The following ASPH variants were observed in gnomAD, a reference collection of about 807,000 sequenced individuals.
The protein encoded by ASPH is aspartate beta-hydroxylase.
A neutral mutation model predicts 118.4 loss-of-function variants in ASPH; 100 were observed. That is an observed-to-expected ratio of 0.84 (90% CI 0.72 to 1.00). The LOEUF (loss-of-function observed/expected upper bound fraction) is 1.00, where lower values mean the gene tolerates loss of function less well. ASPH is among the 50% of genes least tolerant of loss of function. ASPH has a pLI of 0.00. For synonymous variants in ASPH, 315 were observed against 325.6 expected, an observed-to-expected ratio of 0.97 and a Z score of 0.35; for missense variants, 920 against 919.5, an observed-to-expected ratio of 1.00 and a Z score of -0.01.
intron 1 of ASPH, among the ~76,000 whole-genome samples, chr8:61,694,452 G>T (rs1287180114): frequency 6.6e-6 from 1 of 152,050 alleles, no homozygotes; most frequent in Non-Finnish European, 1.5e-5. Flanking sequence ...TTCTGCACAC[G>T]GCTCCAGCAT....
intron 13 of ASPH, 131 bp from the exon 14 acceptor site, chr8:61,619,150 T>G (rs1850033638): frequency 1.7e-6 from 1 of 600,132 alleles, no homozygotes; most frequent in South Asian, 2.8e-5. Context: ...ACAATTCAAT[T>G]TTCCTAAATC....
At chr8:61,625,316 T>C in intron 13 of ASPH, 1 of 985,780 alleles carries the variant, frequency 1.0e-6, no homozygotes, top group African/African-American at 1.7e-5. Context: ...TTTTCACACA[T>C]CCTCAATCAA....
intron 3 of ASPH, among the ~76,000 whole-genome samples, chr8:61,654,501 A>AG (rs1812652047): frequency 6.6e-6 from 1 of 152,192 alleles, no homozygotes; most frequent in Admixed American, 6.5e-5. Flanking sequence ...AGCCTGCGGC[A>AG]GGAAGGTCAA....
intron 17 of ASPH, among the ~76,000 whole-genome samples, chr8:61,565,433 T>C (rs1831364449): frequency 1.3e-5 from 2 of 152,208 alleles, no homozygotes; most frequent in South Asian, 4.1e-4. Context: ...TATTAATCTA[T>C]TAGCTATGAT....
rs566881333 is a variant in ASPH at position 61,615,801 on chromosome 8, A to T, written c.976+3177T>A. ...AATGAGGGCCTATTTTGCCTTAAAA[A>T]AATTTCAGTTTCTGTTATTATGAAA... On this transcript the variant is annotated intron_variant, in intron 14 of 24. Coordinates refer to ENST00000379454, the MANE Select transcript of ASPH (RefSeq NM_004318.4). Among the ~76,000 whole-genome samples the T allele has an allele frequency of 3.3e-5, 5 of 152,336 alleles. No individual in the cohort carries two copies. The South Asian group carries it at 8.3e-4, about 25-fold the overall frequency.
In ASPH at chr8:61,584,178, C is replaced by T. The variant is rs898575826; in HGVS notation, c.977-149G>A. On this transcript the variant is annotated intron_variant, in intron 14 of 24. Coordinates refer to ENST00000379454, the MANE Select transcript of ASPH (RefSeq NM_004318.4). ...ACACTGCAGGCTCGCCTTCCATTTC[C>T]TCCCCTAGATGGTGTGATGAAGTCA... The T allele has an allele frequency of 2.3e-5, 13 of 568,450 alleles. No homozygotes were observed. The African/African-American group carries it at 2.3e-4, about 10-fold the overall frequency. The allele number at this position is 568,450 out of a possible 1,614,324, so 35.2% of individuals were successfully genotyped here. A position where few individuals can be genotyped will look rare whatever the true frequency, so the allele number is the denominator to read the frequency against.
chr8:61,650,912 TA>T, intron 5 of ASPH, 137 bp downstream of exon 5: 1 of 793,804 alleles, frequency 1.3e-6, no homozygotes, highest in Non-Finnish European at 2.0e-6. Context: ...ACCTGCTATC[TA>T]ACTTTGAATT....
In ASPH at chr8:61,664,086, C is replaced by T. The variant is rs996638746; in HGVS notation, c.323-10426G>A. 4.1e-6 allele frequency: 4 copies of T among 976,034 alleles called. No homozygotes were observed. In the African/African-American group the frequency reaches 7.0e-5, roughly 17 times the overall value. 60.5% of individuals were successfully genotyped at this position (976,034 alleles called of 1,614,324 possible). Reference sequence around the variant, plus strand: ...AAAAATGCTACCACAGAGATTTTATCATTATCAACTAACTGCATTTCACAG... The same window carrying T: ...AAAAATGCTACCACAGAGATTTTATTATTATCAACTAACTGCATTTCACAG... On this transcript the variant is annotated intron_variant, in intron 3 of 24. Coordinates refer to ENST00000379454, the MANE Select transcript of ASPH (RefSeq NM_004318.4).
chr8:61,705,333 C>T (rs2151895548), intron 1 of ASPH, among the ~76,000 whole-genome samples: 1 of 152,188 alleles, frequency 6.6e-6, no homozygotes, highest in South Asian at 2.1e-4. Flanking sequence ...TATCTGTACA[C>T]CAAACCCCTG....
chr8:61,600,620 G>A (rs1843707900), intron 14 of ASPH, among the ~76,000 whole-genome samples: 1 of 151,090 alleles, frequency 6.6e-6, no homozygotes, highest in Admixed American at 6.6e-5. Context: ...AAGTAATCCT[G>A]TTTATAATAG....
At chr8:61,543,837 A>C (rs1166338462) in intron 21 of ASPH, among the ~76,000 whole-genome samples, 5 of 152,092 alleles carry the variant, frequency 3.3e-5, no homozygotes, top group Non-Finnish European at 5.9e-5. Flanking sequence ...TTCTGGATTA[A>C]TTTTGTGAAA....
At chr8:61,662,153 CT>C (rs1817254777) in intron 3 of ASPH, among the ~76,000 whole-genome samples, 1 of 152,054 alleles carries the variant, frequency 6.6e-6, no homozygotes, top group Non-Finnish European at 1.5e-5. Context: ...TTGATTAGCA[CT>C]CAAATATTTT....
intron 1 of ASPH, among the ~76,000 whole-genome samples, chr8:61,713,052 T>C (rs1838432162): frequency 6.6e-6 from 1 of 152,150 alleles, no homozygotes; most frequent in Non-Finnish European, 1.5e-5. Context: ...TAAGAACAAG[T>C]GAAAAAGGAA....
At chr8:61,552,620 T>C (rs1291083306) in intron 20 of ASPH, among the ~76,000 whole-genome samples, 2 of 152,234 alleles carry the variant, frequency 1.3e-5, no homozygotes, top group East Asian at 3.8e-4. Flanking sequence ...AGTCAAACTG[T>C]TAAAATATTT....
intron 1 of ASPH, among the ~76,000 whole-genome samples, chr8:61,688,159 T>G (rs556590191): frequency 6.6e-6 from 1 of 152,172 alleles, no homozygotes; most frequent in African/African-American, 2.4e-5. Context: ...TCCAAAGGTA[T>G]TTGGGAAGAA....
intron 14 of ASPH, among the ~76,000 whole-genome samples, chr8:61,588,076 C>T (rs1468345219): frequency 6.6e-6 from 1 of 152,036 alleles, no homozygotes; most frequent in African/African-American, 2.4e-5. Flanking sequence ...TTAAAGTACA[C>T]CTATAAGGTA....
chr8:61,648,578 C>T (rs1331898965), intron 5 of ASPH, among the ~76,000 whole-genome samples: 1 of 152,180 alleles, frequency 6.6e-6, no homozygotes, highest in Non-Finnish European at 1.5e-5. Flanking sequence ...GATTTTTACA[C>T]TAGCAGGATT....
At chr8:61,663,270 A>C (rs1464200724) in intron 3 of ASPH, 5 of 985,270 alleles carry the variant, frequency 5.1e-6, no homozygotes, top group Non-Finnish European at 6.0e-6. Flanking sequence ...TCCCATTCCA[A>C]AGCTTTGTGC....
At chr8:61,650,441 C>T (rs1429960266) in intron 5 of ASPH, among the ~76,000 whole-genome samples, 1 of 152,152 alleles carries the variant, frequency 6.6e-6, no homozygotes, top group Non-Finnish European at 1.5e-5. Flanking sequence ...TCATGAGATA[C>T]GTTTTGGGAT....
Sources: gnomAD v4.1 joint callset for allele counts (sites outside exome capture counted in the v4.1 genomes callset) on GRCh38, gnomAD v4.1.1 for gene constraint, MANE v1.5 for transcripts, NCBI Gene and HGNC (gene_info 2026-07-23, HGNC 2026-07-21) for gene names.